The following UBTD1 variants were observed in gnomAD, a reference collection of about 807,000 sequenced individuals.
UBTD1 encodes ubiquitin domain containing 1, also known as ubiquitin domain-containing protein 1.
A neutral mutation model predicts 21.7 loss-of-function variants in UBTD1; 19 were observed. The observed-to-expected ratio is 0.87, with a 90% CI of 0.61 to 1.28. UBTD1 has a LOEUF of 1.28. Among genes scored for constraint, UBTD1 ranks in the 50% most tolerant of loss-of-function variants. The pLI, the probability that UBTD1 is intolerant of heterozygous loss-of-function variation, is 0.00. For missense variants in UBTD1, 282 were observed against 315.1 expected (o/e 0.89, Z 0.80); for synonymous variants, 116 against 135.1 (o/e 0.86, Z 0.98).
rs772524192 is a variant in UBTD1 at position 97,534,577 on chromosome 10, GCGCACACA to G, written c.71-33335_71-33328del. On this transcript the variant is annotated intron_variant, in intron 1 of 2. Transcript: ENST00000370664. ...GGCACTAAGGAACACACACGCGCGC[GCGCACACA>G]CACACACACACACACACACACACAC... Among the ~76,000 whole-genome samples, 11 of 88,522 alleles carry G rather than the reference GCGCACACA, an allele frequency of 1.2e-4. No homozygotes were observed. The South Asian group carries it at 1.4e-3, about 11-fold the overall frequency. 58.1% of individuals were successfully genotyped at this position (88,522 alleles called of 152,430 possible). A position where few individuals can be genotyped will look rare whatever the true frequency, so the allele number is the denominator to read the frequency against.
intron 1 of UBTD1, among the ~76,000 whole-genome samples, chr10:97,567,227 T>C (rs1049020557): frequency 6.6e-6 from 1 of 151,768 alleles, no homozygotes; most frequent in East Asian, 2.0e-4. Context: ...CGTGCCATCA[T>C]GCCTGGCTAA....
Position 97,570,278 on chromosome 10 carries a change from C to A in UBTD1, c.439C>A (p.Arg147Ser). ...CCCCGAGCCTCCACCCAGCGTGCGCCGTGAGTTCCCGCTGAAGGTGCGCCT... is the reference window on the plus strand; with the variant it reads ...CCCCGAGCCTCCACCCAGCGTGCGCAGTGAGTTCCCGCTGAAGGTGCGCCT... ...EPPEPPPSVR[R>S]EFPLKVRLST... is the part of the protein sequence containing the mutation. Residue 147 changes from arginine to serine, a missense_variant, in exon 3 of 3, where the codon CGT becomes AGT. Physicochemically the swap from Arg to Ser is moderately radical, Grantham distance 110 (BLOSUM62 -1). Coordinates refer to ENST00000370664, the MANE Select transcript of UBTD1 (RefSeq NM_024954.5). This position sits in a 1 kb window ranked among gnomAD's most constrained non-coding sequence, Gnocchi z 6.6. 2 of 1,613,190 alleles carry A rather than the reference C, an allele frequency of 1.2e-6. No individual in the cohort carries two copies. The highest frequency in any genetic ancestry group is 1.7e-6 in the Non-Finnish European group (2 of 1,179,996).
intron 1 of UBTD1, among the ~76,000 whole-genome samples, chr10:97,553,897 C>T (rs1478509588): frequency 6.6e-6 from 1 of 152,178 alleles, no homozygotes; most frequent in East Asian, 1.9e-4. Context: ...TGCAGAGGCT[C>T]ACTCACAGTA....
chr10:97,560,445 T>C (rs2040686923), intron 1 of UBTD1, among the ~76,000 whole-genome samples: 1 of 152,170 alleles, frequency 6.6e-6, no homozygotes, highest in South Asian at 2.1e-4. Flanking sequence ...TAGATGGCCT[T>C]TTTTTCTCTC....
intron 1 of UBTD1, among the ~76,000 whole-genome samples, chr10:97,545,555 A>G (rs2040607016): frequency 6.6e-6 from 1 of 152,198 alleles, no homozygotes; most frequent in African/African-American, 2.4e-5. Context: ...GTGATTTATT[A>G]GGATAATCTT....
chr10:97,538,844 G>T (rs1242207133), intron 1 of UBTD1, among the ~76,000 whole-genome samples: 1 of 152,162 alleles, frequency 6.6e-6, no homozygotes, highest in East Asian at 1.9e-4. Context: ...TTTTTGGAGG[G>T]CTAGGATCTT....
At chr10:97,518,964 G>A (rs2040455818) in intron 1 of UBTD1, among the ~76,000 whole-genome samples, 1 of 152,218 alleles carries the variant, frequency 6.6e-6, no homozygotes, top group African/African-American at 2.4e-5. Context: ...GAACACAGAG[G>A]CCCAGAGAGG....
Position 97,570,007 on chromosome 10 carries a change from TATAGGCC to T in UBTD1, c.299-130_299-124del. On this transcript the variant is annotated intron_variant, in intron 2 of 2. Transcript: ENST00000370664. This position sits in a 1 kb window ranked among gnomAD's most constrained non-coding sequence, Gnocchi z 6.6. ...CCTCATTTAACTTTATTTATTTCTG[TATAGGCC>T]CCATGTCCAAATACAGTCACATTGG... 5 of 1,310,220 alleles carry T rather than the reference TATAGGCC, an allele frequency of 3.8e-6. No homozygotes were observed. Among genetic ancestry groups the T allele is most frequent in the Non-Finnish European group, 5.2e-6 (5 of 958,728 alleles). The allele number at this position is 1,310,220 out of a possible 1,614,324, so 81.2% of individuals were successfully genotyped here.
At position 97,507,647 on chromosome 10, in the gene UBTD1, G is replaced by A. The variant is rs183570525; in HGVS notation, c.70+8374G>A. 7.8e-4 allele frequency among the ~76,000 whole-genome samples: 118 copies of A among 151,420 alleles called. 2 individuals carry two copies. In the East Asian group the frequency reaches 0.021, roughly 27 times the overall value. On this transcript the variant is annotated intron_variant, in intron 1 of 2. Transcript: ENST00000370664. Reference sequence around the variant, plus strand: ...AAAAATTAGCCGGGCATGGTGGCACGTGCCTGTAATCCCAGCTACTCAGGA... The same window carrying A: ...AAAAATTAGCCGGGCATGGTGGCACATGCCTGTAATCCCAGCTACTCAGGA...
rs1438126180 is a variant in UBTD1 at position 97,559,031 on chromosome 10, CTGAT to C, written c.71-8878_71-8875del. Among the ~76,000 whole-genome samples, 4 of 152,318 alleles carry C rather than the reference CTGAT, an allele frequency of 2.6e-5. No individual in the cohort carries two copies. In the South Asian group the frequency reaches 6.2e-4, roughly 24 times the overall value. On this transcript the variant is annotated intron_variant, in intron 1 of 2. Coordinates refer to ENST00000370664, the MANE Select transcript of UBTD1 (RefSeq NM_024954.5). ...CCGCTCGGGGATGAACAAGGGCTGACTGATTGATAAGCTCTTGAAAATTCTTAAG... is the reference window on the plus strand; with the variant it reads ...CCGCTCGGGGATGAACAAGGGCTGACTGATAAGCTCTTGAAAATTCTTAAG...
intron 1 of UBTD1, among the ~76,000 whole-genome samples, chr10:97,532,587 C>A (rs559727093): frequency 7.0e-4 from 107 of 152,236 alleles, no homozygotes; most frequent in Non-Finnish European, 1.2e-3. Flanking sequence ...GTCAAGAGAT[C>A]GAGACCATCC....
intron 1 of UBTD1, among the ~76,000 whole-genome samples, chr10:97,501,339 C>A (rs1477985594): frequency 6.6e-6 from 1 of 152,112 alleles, no homozygotes; most frequent in Non-Finnish European, 1.5e-5. Flanking sequence ...GTAATCCCAG[C>A]ACTTTGGGAG....
intron 1 of UBTD1, among the ~76,000 whole-genome samples, chr10:97,507,371 C>T (rs1434007736): frequency 6.6e-6 from 1 of 151,578 alleles, no homozygotes; most frequent in African/African-American, 2.4e-5. Flanking sequence ...GCATGGTGGC[C>T]TACACCTATA....
chr10:97,508,910 C>G (rs1179211051), intron 1 of UBTD1, among the ~76,000 whole-genome samples: 1 of 152,168 alleles, frequency 6.6e-6, no homozygotes, highest in Non-Finnish European at 1.5e-5. Flanking sequence ...TCCTCCTTCT[C>G]CCAGAGCAAA....
intron 1 of UBTD1, among the ~76,000 whole-genome samples, chr10:97,525,474 G>A (rs2040484353): frequency 6.6e-6 from 1 of 152,188 alleles, no homozygotes; most frequent in Non-Finnish European, 1.5e-5. Flanking sequence ...AAAAGATGGG[G>A]TATCTTCGGG....
At chr10:97,541,450 C>T (rs2040586768) in intron 1 of UBTD1, among the ~76,000 whole-genome samples, 1 of 152,054 alleles carries the variant, frequency 6.6e-6, no homozygotes, top group Non-Finnish European at 1.5e-5. Context: ...TGCACTCCAG[C>T]CTGGATGACA....
intron 1 of UBTD1, among the ~76,000 whole-genome samples, chr10:97,529,324 C>T (rs919926257): frequency 6.6e-6 from 1 of 151,000 alleles, no homozygotes; most frequent in Non-Finnish European, 1.5e-5. Flanking sequence ...AGATGATGGG[C>T]GGCCAGGCAG....
chr10:97,534,346 T>G (rs2040549255), intron 1 of UBTD1, among the ~76,000 whole-genome samples: 1 of 152,232 alleles, frequency 6.6e-6, no homozygotes, highest in Non-Finnish European at 1.5e-5. Context: ...ACAGCTTGTT[T>G]GTGGTACAAT....
chr10:97,527,687 A>T (rs1490163231), intron 1 of UBTD1, among the ~76,000 whole-genome samples: 1 of 152,034 alleles, frequency 6.6e-6, no homozygotes, highest in African/African-American at 2.4e-5. Flanking sequence ...CATCTGTTTA[A>T]CAAAGCACAT....
Sources: allele counts gnomAD v4.1 joint callset (sites outside exome capture counted in the v4.1 genomes callset), GRCh38; gene constraint gnomAD v4.1.1; non-coding constraint Gnocchi (gnomAD v3.1); transcripts MANE v1.5; gene names NCBI Gene and HGNC (gene_info 2026-07-23, HGNC 2026-07-21).